The following AOPEP variants were observed in gnomAD, a reference collection of about 807,000 sequenced individuals.
AOPEP encodes the protein aminopeptidase O.
Under a neutral mutation model 98.1 loss-of-function variants are expected in AOPEP, and 77 were observed. That is an observed-to-expected ratio of 0.78 (90% confidence interval 0.65 to 0.95). The LOEUF is 0.95. AOPEP is among the 40% of genes least tolerant of loss of function. The pLI, the probability that AOPEP is intolerant of heterozygous loss-of-function variation, is 0.00. For synonymous variants in AOPEP, 346 were observed against 365.3 expected (o/e 0.95, Z 0.60); for missense variants, 1,024 against 1,024.7 (o/e 1.00, Z 0.01).
In AOPEP at chr9:95,036,696, C is replaced by G. The variant is rs951226004; in HGVS notation, c.2116-23998C>G. Among the ~76,000 whole-genome samples, 61 of 49,156 alleles carry G rather than the reference C, an allele frequency of 1.2e-3. 1 individual carries two copies. Among genetic ancestry groups the G allele is most frequent in the Non-Finnish European group, 3.4e-3 (48 of 14,100 alleles). 32.2% of individuals were successfully genotyped at this position (49,156 alleles called of 152,430 possible). On this transcript the variant is annotated intron_variant, in intron 13 of 16. Coordinates refer to ENST00000375315, the MANE Select transcript of AOPEP (RefSeq NM_001193329.3). Reference sequence around the variant, plus strand: ...TTCTCCTTTCTTGTTCTTCTTTCTTCTTCTTCTTTTTTTTTTGTGGGGAAT... The same window carrying G: ...TTCTCCTTTCTTGTTCTTCTTTCTTGTTCTTCTTTTTTTTTTGTGGGGAAT...
intron 1 of AOPEP, among the ~76,000 whole-genome samples, chr9:94,754,090 T>C (rs761181307): frequency 6.6e-6 from 1 of 152,196 alleles, no homozygotes; most frequent in Non-Finnish European, 1.5e-5. Context: ...TTCAAAACCA[T>C]TGAGTGAAAG....
chr9:95,087,731 GGTATAGACA>G (rs1294035951), downstream of AOPEP, among the ~76,000 whole-genome samples: 2 of 152,120 alleles, frequency 1.3e-5, no homozygotes, highest in African/African-American at 2.4e-5. Context: ...CAAGGTTTAG[GGTATAGACA>G]GAAGCTGGGC....
chr9:95,099,059 T>C, the AOPEP span: 1 of 185,432 alleles, frequency 5.4e-6, no homozygotes, highest in African/African-American at 2.3e-5. Context: ...CAACATTAGG[T>C]GCAAACTGAA....
chr9:94,922,666 CA>C (rs993048470), intron 5 of AOPEP, among the ~76,000 whole-genome samples: 1 of 151,928 alleles, frequency 6.6e-6, no homozygotes, highest in African/African-American at 2.4e-5. Flanking sequence ...GTGCTCTGAA[CA>C]ATACTGTTGG....
the AOPEP span, among the ~76,000 whole-genome samples, chr9:95,140,741 G>T: frequency 1.3e-5 from 2 of 152,140 alleles, no homozygotes; most frequent in Non-Finnish European, 2.9e-5. Flanking sequence ...TACTTCCAAG[G>T]AACTGAAAAG....
At chr9:95,027,701 C>T (rs775394618) in intron 13 of AOPEP, among the ~76,000 whole-genome samples, 7 of 152,150 alleles carry the variant, frequency 4.6e-5, no homozygotes, top group Non-Finnish European at 8.8e-5. Flanking sequence ...CTAGCAGTAT[C>T]TGTATGAATC....
intron 5 of AOPEP, among the ~76,000 whole-genome samples, chr9:94,902,103 A>G (rs1457205523): frequency 6.6e-6 from 1 of 152,158 alleles, no homozygotes; most frequent in East Asian, 1.9e-4. Context: ...TTTGAGTATC[A>G]AGAACTCTAA....
chr9:94,832,879 G>A (rs1482713243), intron 5 of AOPEP, among the ~76,000 whole-genome samples: 1 of 143,114 alleles, frequency 7.0e-6, no homozygotes. Flanking sequence ...AAGGTCGGGG[G>A]TACAGATAGT....
chr9:94,863,167 G>A (rs1435723679), intron 5 of AOPEP, among the ~76,000 whole-genome samples: 7 of 151,784 alleles, frequency 4.6e-5, no homozygotes, highest in Non-Finnish European at 8.8e-5. Context: ...GCTGCTTCTC[G>A]CTTCTCTCCT....
intron 5 of AOPEP, among the ~76,000 whole-genome samples, chr9:94,838,560 T>C (rs2041898293): frequency 6.6e-6 from 1 of 152,230 alleles, no homozygotes; most frequent in Non-Finnish European, 1.5e-5. Context: ...AAAAATTGTT[T>C]TGTTCTGGGT....
chr9:94,841,211 G>T (rs888398932), intron 5 of AOPEP, among the ~76,000 whole-genome samples: 5 of 139,242 alleles, frequency 3.6e-5, no homozygotes, highest in East Asian at 2.1e-4. Context: ...TCACTCTGTC[G>T]CCCAGGCTAG....
chr9:95,125,947 T>G, the AOPEP span, among the ~76,000 whole-genome samples: 1 of 152,150 alleles, frequency 6.6e-6, no homozygotes, highest in Non-Finnish European at 1.5e-5. Context: ...TGGTTAAAAC[T>G]CCCACTAACT....
At chr9:94,913,015 A>G (rs1432179997) in intron 5 of AOPEP, among the ~76,000 whole-genome samples, 1 of 152,228 alleles carries the variant, frequency 6.6e-6, no homozygotes, top group African/African-American at 2.4e-5. Context: ...ATACATTCCA[A>G]ACAGACCCGG....
At chr9:95,149,583 A>G in the AOPEP span, among the ~76,000 whole-genome samples, 1 of 151,808 alleles carries the variant, frequency 6.6e-6, no homozygotes, top group African/African-American at 2.4e-5. Context: ...GGTGGAAGCG[A>G]TCCTCCTGAC....
At chr9:94,835,073 A>G (rs1023314328) in intron 5 of AOPEP, among the ~76,000 whole-genome samples, 4 of 152,080 alleles carry the variant, frequency 2.6e-5, no homozygotes, top group African/African-American at 7.2e-5. Context: ...AGACCCACAC[A>G]TGTATGGTCA....
At chr9:94,874,203 C>T (rs988537856) in intron 5 of AOPEP, among the ~76,000 whole-genome samples, 1 of 152,162 alleles carries the variant, frequency 6.6e-6, no homozygotes, top group African/African-American at 2.4e-5. Context: ...ATATACCAGG[C>T]AGCACTGTGA....
chr9:94,915,927 G>T (rs1171760180), intron 5 of AOPEP, among the ~76,000 whole-genome samples: 1 of 152,198 alleles, frequency 6.6e-6, no homozygotes, highest in Non-Finnish European at 1.5e-5. Context: ...TGGACCCAAA[G>T]AGTGTATTTC....
chr9:94,904,128 C>G (rs1174903776), intron 5 of AOPEP: 3 of 152,054 alleles, frequency 2.0e-5, no homozygotes, highest in Admixed American at 6.6e-5. Context: ...TGCCCAAGAG[C>G]CCAACTAAAT....
intron 11 of AOPEP, among the ~76,000 whole-genome samples, chr9:94,983,781 C>G (rs1327957240): frequency 6.6e-6 from 1 of 152,150 alleles, no homozygotes; most frequent in Non-Finnish European, 1.5e-5. Context: ...TTTCCTCTCC[C>G]TCTCTTTAGC....
Sources: gnomAD v4.1 joint callset for allele counts (sites outside exome capture counted in the v4.1 genomes callset) on GRCh38, gnomAD v4.1.1 for gene constraint, MANE v1.5 for transcripts, NCBI Gene and HGNC (gene_info 2026-07-23, HGNC 2026-07-21) for gene names.